MAP3K21: variants seen among roughly 807,000 people sequenced by gnomAD.
MAP3K21 encodes mitogen-activated protein kinase kinase kinase MLK4.
In MAP3K21, 63 loss-of-function variants were observed where a neutral mutation model predicts 86.1. The observed-to-expected ratio is 0.73, with a 90% CI of 0.60 to 0.90. The LOEUF (loss-of-function observed/expected upper bound fraction) is 0.90. Among genes scored for constraint, MAP3K21 ranks in the 40% least tolerant of loss-of-function variants. MAP3K21 has a pLI of 0.00. For synonymous variants in MAP3K21, 558 were observed against 564.8 expected (o/e 0.99, Z 0.17); for missense variants, 1,220 against 1,367.7 (o/e 0.89, Z 1.70).
chr1:233,374,991 G>C (rs1031775591), intron 6 of MAP3K21, among the ~76,000 whole-genome samples: 1 of 151,612 alleles, frequency 6.6e-6, no homozygotes, highest in Non-Finnish European at 1.5e-5. Flanking sequence ...ACCTGGGCTG[G>C]AGTGTAGTGG....
At chr1:233,374,213 C>T (rs572257576) in intron 6 of MAP3K21, 1 of 151,710 alleles carries the variant, frequency 6.6e-6, no homozygotes, top group Non-Finnish European at 1.5e-5. Flanking sequence ...TGGAGTCTCA[C>T]TCTGTTGCCT....
At chr1:233,373,396 C>G (rs944643400) in intron 6 of MAP3K21, 1 of 152,222 alleles carries the variant, frequency 6.6e-6, no homozygotes, top group Admixed American at 6.5e-5. Flanking sequence ...GGAAGTGGTA[C>G]TGGGAAGGCC....
At chr1:233,373,114 T>G (rs1384687503) in intron 6 of MAP3K21, 1 of 152,162 alleles carries the variant, frequency 6.6e-6, no homozygotes, top group African/African-American at 2.4e-5. Flanking sequence ...TAAATGAGGC[T>G]GTAGTTTTAG....
intron 4 of MAP3K21, among the ~76,000 whole-genome samples, chr1:233,361,826 A>C (rs1452763468): frequency 6.6e-6 from 1 of 152,212 alleles, no homozygotes; most frequent in Non-Finnish European, 1.5e-5. Flanking sequence ...CTGTCATCTA[A>C]GTGAATAATC....
intron 5 of MAP3K21, among the ~76,000 whole-genome samples, chr1:233,370,662 AG>A (rs1297234883): frequency 1.3e-5 from 2 of 152,338 alleles, no homozygotes; most frequent in African/African-American, 4.8e-5. Flanking sequence ...CATATGTCAA[AG>A]ATTTTTATTA....
chr1:233,371,765 G>C (rs1162523204), intron 5 of MAP3K21, among the ~76,000 whole-genome samples: 1 of 151,692 alleles, frequency 6.6e-6, no homozygotes, highest in East Asian at 1.9e-4. Flanking sequence ...GTGTGTGTGT[G>C]TGTGTGTGTG....
In MAP3K21 at chr1:233,379,704, AC is replaced by A. The variant is rs1427670764; in HGVS notation, c.2702del (p.Pro901GlnfsTer50). ...HRRTMSDGNP[T>X]PTGATIISAT... ...ACGGACCATGTCTGATGGAAATCCG[AC>A]CCCAAGTAGGTTGCATTAATTAGGT... On this transcript the variant is annotated frameshift_variant, in exon 9 of 10. Transcript: ENST00000366624. LOFTEE classifies it low-confidence loss of function (END_TRUNC). 2 of 1,607,864 alleles carry A rather than the reference AC, an allele frequency of 1.2e-6. No homozygotes were observed. The highest frequency in any genetic ancestry group is 2.7e-5 in the African/African-American group (2 of 74,842).
At chr1:233,342,337 T>C (rs1041532422) in intron 1 of MAP3K21, among the ~76,000 whole-genome samples, 1 of 152,254 alleles carries the variant, frequency 6.6e-6, no homozygotes, top group Non-Finnish European at 1.5e-5. Context: ...ATTATATTCC[T>C]GCCTGGTAGA....
intron 2 of MAP3K21, among the ~76,000 whole-genome samples, chr1:233,349,814 G>A (rs1663214727): frequency 6.6e-6 from 1 of 152,044 alleles, no homozygotes; most frequent in Non-Finnish European, 1.5e-5. Context: ...GTGCACGCCT[G>A]TAGTCCCAGC....
At chr1:233,365,469 C>G (rs1052166286) in intron 5 of MAP3K21, among the ~76,000 whole-genome samples, 2 of 152,156 alleles carry the variant, frequency 1.3e-5, no homozygotes, top group African/African-American at 4.8e-5. Context: ...GACAAAGGAA[C>G]TGAATAGACA....
chr1:233,365,438 A>C (rs945394448), intron 5 of MAP3K21, among the ~76,000 whole-genome samples: 1 of 152,196 alleles, frequency 6.6e-6, no homozygotes, highest in African/African-American at 2.4e-5. Flanking sequence ...GCAAAAACAC[A>C]AATAATTTGA....
At chr1:233,356,755 G>A (rs1160658400) in intron 4 of MAP3K21, among the ~76,000 whole-genome samples, 2 of 152,170 alleles carry the variant, frequency 1.3e-5, no homozygotes, top group African/African-American at 4.8e-5. Flanking sequence ...AAAATGTATA[G>A]TTCAGTAAGT....
In MAP3K21 at chr1:233,328,317, G is replaced by T. The variant is rs1296211612; in HGVS notation, c.289G>T (p.Val97Leu). 13 of 1,478,110 alleles carry T rather than the reference G, an allele frequency of 8.8e-6. No individual in the cohort carries two copies. Among genetic ancestry groups the T allele is most frequent in the South Asian group, 1.3e-5 (1 of 78,068 alleles). 91.6% of individuals were successfully genotyped at this position (1,478,110 alleles called of 1,614,324 possible). The stretch of plus-strand genomic sequence containing the variant: ...CCTCGGCATCTTCCCCGCCAACTAC[G>T]TGGCTCCCTGCCGCCCGGCCGCCAG... ...RRLGIFPANY[V>L]APCRPAASPA... is the part of the protein sequence containing the mutation. The change falls in exon 1 of 10, where the codon GTG becomes TTG. Residue 97 changes from valine (V) to leucine (L), a missense_variant. Around this residue, in one of 5 missense-constraint regions of MAP3K21, gnomAD observed 369 missense variants for 385.3 expected, o/e 0.96. Coordinates refer to ENST00000366624, the MANE Select transcript of MAP3K21 (RefSeq NM_032435.3). This position sits in a 1 kb window ranked among gnomAD's most constrained non-coding sequence, Gnocchi z 8.7.
chr1:233,346,706 A>T (rs969992344), intron 2 of MAP3K21, 84 bp downstream of exon 2: 1 of 1,193,622 alleles, frequency 8.4e-7, no homozygotes, highest in Non-Finnish European at 1.2e-6. Flanking sequence ...AGTAATTCTC[A>T]GCATAAATAG....
At chr1:233,338,842 C>T (rs929162611) in intron 1 of MAP3K21, among the ~76,000 whole-genome samples, 6 of 152,128 alleles carry the variant, frequency 3.9e-5, no homozygotes, top group Middle Eastern at 3.2e-3. Context: ...CAGGACTATA[C>T]TGGCAGCAGT....
chr1:233,358,665 C>A (rs112170499), intron 4 of MAP3K21, among the ~76,000 whole-genome samples: 1 of 152,010 alleles, frequency 6.6e-6, no homozygotes, highest in East Asian at 1.9e-4. Context: ...TGATGGCTTG[C>A]AGCTGTAGTC....
At chr1:233,332,837 A>T (rs1322755311) in intron 1 of MAP3K21, among the ~76,000 whole-genome samples, 2 of 150,934 alleles carry the variant, frequency 1.3e-5, no homozygotes, top group African/African-American at 2.4e-5. Flanking sequence ...ATTGTGTTCT[A>T]TTTTTTTTTT....
At chr1:233,338,942 A>G (rs1266755410) in intron 1 of MAP3K21, among the ~76,000 whole-genome samples, 1 of 152,214 alleles carries the variant, frequency 6.6e-6, no homozygotes, top group African/African-American at 2.4e-5. Flanking sequence ...AGATTGGCTG[A>G]GATTATCTAG....
intron 1 of MAP3K21, among the ~76,000 whole-genome samples, chr1:233,334,104 A>T (rs1325682879): frequency 2.0e-5 from 3 of 150,286 alleles, no homozygotes; most frequent in Non-Finnish European, 4.4e-5. Context: ...TGACCTCGTG[A>T]TCCGTCCGCC....
Sources: allele counts gnomAD v4.1 joint callset (sites outside exome capture counted in the v4.1 genomes callset), GRCh38; gene constraint gnomAD v4.1.1; regional missense constraint gnomAD v4.1.1; non-coding constraint Gnocchi (gnomAD v3.1); transcripts MANE v1.5; gene names NCBI Gene and HGNC (gene_info 2026-07-23, HGNC 2026-07-21).